Variants in WBP2 observed in about 807,000 individuals in gnomAD.
WBP2 encodes WW domain-binding protein 2.
In WBP2, 23 loss-of-function variants were observed where a neutral mutation model predicts 33.0. That is an observed-to-expected ratio of 0.70 (90% confidence interval 0.50 to 0.99). WBP2 has a LOEUF of 0.99. Among genes scored for constraint, WBP2 ranks in the 50% least tolerant of loss-of-function variants. The pLI is 0.00. For missense variants in WBP2, 353 were observed against 358.0 expected (o/e 0.99, Z 0.11); for synonymous variants, 153 against 133.5 (o/e 1.15, Z -1.01).
At position 75,854,528 on chromosome 17, in the gene WBP2, G is replaced by A. The variant is rs116906107; in HGVS notation, c.59+711C>T. Among the ~76,000 whole-genome samples the A allele has an allele frequency of 5.0e-4, 76 of 152,270 alleles. 1 individual carries two copies. In the East Asian group the frequency reaches 0.014, roughly 27 times the overall value. ...CCTTCCGAGGTGACCCAAACCAACA[G>A]GCATTCAAGAGAGAGGCAAGGGAAT... On this transcript the variant is annotated intron_variant, in intron 1 of 7. Coordinates refer to ENST00000254806, the MANE Select transcript of WBP2 (RefSeq NM_012478.4).
intron 6 of WBP2, 151 bp from the exon 7 acceptor site, chr17:75,847,135 C>T: frequency 2.4e-6 from 2 of 828,706 alleles, no homozygotes; most frequent in South Asian, 3.3e-5. Flanking sequence ...TGAGCACATG[C>T]CACGCGCTGG....
At chr17:75,847,361 G>T in intron 6 of WBP2, 126 bp downstream of exon 6, 2 of 1,440,940 alleles carry the variant, frequency 1.4e-6, no homozygotes, top group Non-Finnish European at 1.9e-6. Context: ...TGGGCCCCTG[G>T]GGTAGTCCAG....
intron 4 of WBP2, 100 bp downstream of exon 4, chr17:75,848,470 C>G: frequency 1.7e-6 from 2 of 1,155,372 alleles, no homozygotes; most frequent in Non-Finnish European, 2.5e-6. Context: ...ACACTTACCT[C>G]TTGAGTTCTT....
At chr17:75,847,031 C>G (rs745777185) in intron 6 of WBP2, 47 bp from the exon 7 acceptor site, 2 of 1,610,256 alleles carry the variant, frequency 1.2e-6, no homozygotes, top group African/African-American at 2.7e-5. Flanking sequence ...TCTCCTCCCC[C>G]TGAGCTCAGC....
Position 75,846,950 on chromosome 17 carries a change from G to A in WBP2, c.690C>T (p.Ala230=). The change falls in exon 7 of 8, where the codon GCC becomes GCT. Residue 230 remains alanine, a synonymous_variant. Coordinates refer to ENST00000254806, the MANE Select transcript of WBP2 (RefSeq NM_012478.4). This position sits in a 1 kb window ranked among gnomAD's most constrained non-coding sequence, Gnocchi z 4.8. Reference sequence around the variant, plus strand: ...TGTGAGGATTGCCTGGGTTGTAATAGGCGCTGGCGGCTGCTTCTGCGGCCT... The same window carrying A: ...TGTGAGGATTGCCTGGGTTGTAATAAGCGCTGGCGGCTGCTTCTGCGGCCT... ...EAKAAEAAAS[A]YYNPGNPHNV... 6.2e-7 allele frequency: 1 copy of A among 1,614,138 alleles called. No individual in the cohort carries two copies. The highest frequency in any genetic ancestry group is 2.2e-5 in the East Asian group (1 of 44,878).
chr17:75,846,591 C>T lies in WBP2; in HGVS notation c.*143G>A, dbSNP rs2064993208. On this transcript the variant is annotated 3_prime_UTR_variant, in exon 8 of 8. Transcript: ENST00000254806. The surrounding 1 kb of genome is among the most constrained non-coding windows in gnomAD (Gnocchi z 4.8). Reference sequence around the variant, plus strand: ...CCCGAGGCCGGGGGCCCTAATGTCCCACAATGCTAGTTCCTGGTAATTGTT... The same window carrying T: ...CCCGAGGCCGGGGGCCCTAATGTCCTACAATGCTAGTTCCTGGTAATTGTT... The T allele has an allele frequency of 1.8e-6, 2 of 1,119,520 alleles. No homozygotes were observed. Among genetic ancestry groups the T allele is most frequent in the Admixed American group, 2.1e-5 (1 of 47,846 alleles). The allele number at this position is 1,119,520 out of a possible 1,614,324, so 69.3% of individuals were successfully genotyped here.
At chr17:75,851,497 C>T in intron 2 of WBP2, 71 bp downstream of exon 2, 1 of 1,216,940 alleles carries the variant, frequency 8.2e-7, no homozygotes, top group South Asian at 1.2e-5. Context: ...TGAGGCAGAC[C>T]TGAGACTAAG....
Position 75,847,468 on chromosome 17 carries a change from A to G in WBP2, c.655+19T>C. 1 of 1,587,220 alleles carries G rather than the reference A, an allele frequency of 6.3e-7. No homozygotes were observed. Among genetic ancestry groups the G allele is most frequent in the Non-Finnish European group, 8.6e-7 (1 of 1,168,290 alleles). ...AGAGGGCTGGTCCCGAAGGGCTGCC[A>G]GCACCCAAGGGCCCTCACCTGCAGG... On this transcript the variant is annotated intron_variant, in intron 6 of 7. Coordinates refer to ENST00000254806, the MANE Select transcript of WBP2 (RefSeq NM_012478.4).
chr17:75,851,629 T>G lies in WBP2; in HGVS notation c.107A>C (p.Lys36Thr). ...CCCTTTGAAGGCTTCTGGCACGTTC[T>G]TCATGTCATTGAATGTGAGTTCCAC... ...DHVELTFNDM[K>T]NVPEAFKGTK... is the part of the protein sequence containing the mutation. Residue 36 changes from lysine to threonine, a missense_variant, in exon 2 of 8, where the codon AAG becomes ACG. Lys to Thr is a moderately conservative substitution (Grantham distance 78). Transcript: ENST00000254806. 1 of 1,613,804 alleles carries G rather than the reference T, an allele frequency of 6.2e-7. No individual in the cohort carries two copies. The highest frequency in any genetic ancestry group is 8.5e-7 in the Non-Finnish European group (1 of 1,179,742).
chr17:75,847,728 C>A, intron 5 of WBP2, 68 bp downstream of exon 5: 1 of 1,545,668 alleles, frequency 6.5e-7, no homozygotes, highest in Non-Finnish European at 8.8e-7. Flanking sequence ...ATAAAGTCTC[C>A]CTGGCCTGGG....
chr17:75,847,769 A>C (rs747216357), intron 5 of WBP2, 27 bp downstream of exon 5: 2 of 1,533,830 alleles, frequency 1.3e-6, no homozygotes, highest in South Asian at 2.4e-5. Flanking sequence ...TCATGAGGGG[A>C]GTGGGGGCAG....
rs2065004700 is a variant in WBP2 at position 75,847,890 on chromosome 17, A to C, written c.438T>G (p.Ser146=). Residue 146 remains serine, a synonymous_variant, in exon 5 of 8, where the codon TCT becomes TCG. Coordinates refer to ENST00000254806, the MANE Select transcript of WBP2 (RefSeq NM_012478.4). ...AGACATAGGCCCCGCTGGGCATGTAAGAGTAGCCATAGGCTCCACTGGGGA... is the reference window on the plus strand; with the variant it reads ...AGACATAGGCCCCGCTGGGCATGTACGAGTAGCCATAGGCTCCACTGGGGA... ...GEVPSGAYGY[S]YMPSGAYVYP... 6.4e-7 allele frequency: 1 copy of C among 1,559,376 alleles called. No homozygotes were observed. The highest frequency in any genetic ancestry group is 8.7e-7 in the Non-Finnish European group (1 of 1,151,604).
Position 75,848,615 on chromosome 17 carries a change from C to G in WBP2, c.352G>C (p.Gly118Arg). 6.2e-7 allele frequency: 1 copy of G among 1,614,102 alleles called. No individual in the cohort carries two copies. Among genetic ancestry groups the G allele is most frequent in the Non-Finnish European group, 8.5e-7 (1 of 1,179,986 alleles). Residue 118 changes from glycine to arginine, a missense_variant, in exon 4 of 8, where the codon GGC becomes CGC. Transcript: ENST00000254806. The part of the protein sequence containing the change: ...ASYKLTFTAG[G>R]AIEFGQRMLQ... ...ATCCGCTGTCCGAACTCAATGGCGC[C>G]CCCTGCCGTGAAAGTCAACTTGTAG...
At chr17:75,850,642 G>T (rs549505007) in intron 2 of WBP2, among the ~76,000 whole-genome samples, 1 of 152,234 alleles carries the variant, frequency 6.6e-6, no homozygotes, top group East Asian at 1.9e-4. Flanking sequence ...TCTTTGTGAA[G>T]TCATGGAGAT....
chr17:75,849,063 G>A (rs902585266), intron 3 of WBP2: 14 of 278,166 alleles, frequency 5.0e-5, no homozygotes, highest in Non-Finnish European at 7.0e-5. Context: ...CAGACCTCTC[G>A]TCCTAAGGGG....
upstream of WBP2, chr17:75,856,222 A>T (rs564665013): frequency 2.0e-5 from 3 of 152,330 alleles, no homozygotes; most frequent in African/African-American, 7.2e-5. Context: ...TCCACGGGGC[A>T]GCTGTCATTC....
chr17:75,847,949 A>T lies in WBP2; in HGVS notation c.398-19T>A. 6.4e-7 allele frequency: 1 copy of T among 1,560,854 alleles called. No individual in the cohort carries two copies. The highest frequency in any genetic ancestry group is 2.4e-5 in the East Asian group (1 of 41,356). The stretch of plus-strand genomic sequence containing the variant: ...CTGGAGGCTACGAGTACAAGGGGAA[A>T]GAGAAATGAGCGTGGCCTGCCTTGG... On this transcript the variant is annotated intron_variant, in intron 4 of 7. Transcript: ENST00000254806.
Position 75,847,893 on chromosome 17 carries a change from G to C in WBP2, c.435C>G (p.Tyr145Ter). 6.4e-7 allele frequency: 1 copy of C among 1,559,564 alleles called. No individual in the cohort carries two copies. The highest frequency in any genetic ancestry group is 8.7e-7 in the Non-Finnish European group (1 of 1,151,840). Reference protein sequence around the residue: ...RGEVPSGAYGYSYMPSGAYVY... With the variant: ...RGEVPSGAYG ...CATAGGCCCCGCTGGGCATGTAAGA[G>C]TAGCCATAGGCTCCACTGGGGACTT... The change falls in exon 5 of 8, where the codon TAC (tyrosine) becomes TAG (stop). Residue 145 changes from tyrosine to a stop codon, truncating the protein, a stop_gained. Coordinates refer to ENST00000254806, the MANE Select transcript of WBP2 (RefSeq NM_012478.4). LOFTEE classifies it high-confidence loss of function.
At chr17:75,855,159 T>TCCCCCCCCCCC in intron 1 of WBP2, 80 bp downstream of exon 1, 1 of 964,064 alleles carries the variant, frequency 1.0e-6, no homozygotes, top group South Asian at 1.4e-5. Flanking sequence ...AGGGGCTTAT[T>TCCCCCCCCCCC]CCCCACCACC....
Sources: allele counts gnomAD v4.1 joint callset (sites outside exome capture counted in the v4.1 genomes callset), GRCh38; gene constraint gnomAD v4.1.1; non-coding constraint Gnocchi (gnomAD v3.1); transcripts MANE v1.5; gene names NCBI Gene and HGNC (gene_info 2026-07-23, HGNC 2026-07-21).